Variants in CLDN10 observed in about 807,000 individuals in gnomAD.
CLDN10 encodes the protein claudin 10.
CLDN10 carries 15 observed loss-of-function variants against 22.9 expected under a neutral mutation model. The observed-to-expected ratio is 0.65, with a 90% CI of 0.44 to 1.01. The LOEUF (loss-of-function observed/expected upper bound fraction) is 1.01. Among genes scored for constraint, CLDN10 ranks in the 50% least tolerant of loss-of-function variants. CLDN10 has a pLI of 0.00. For synonymous variants in CLDN10, 114 were observed against 111.4 expected, an observed-to-expected ratio of 1.02 and a Z score of -0.15; for missense variants, 247 against 287.8, an observed-to-expected ratio of 0.86 and a Z score of 1.03.
chr13:95,447,459 C>G (rs778575493), intron 1 of CLDN10, among the ~76,000 whole-genome samples: 4 of 152,174 alleles, frequency 2.6e-5, no homozygotes, highest in Non-Finnish European at 5.9e-5. Context: ...CACTTTTTTC[C>G]TCGCGGCTGA....
At chr13:95,488,531 C>G (rs1192503490) in intron 1 of CLDN10, among the ~76,000 whole-genome samples, 2 of 152,210 alleles carry the variant, frequency 1.3e-5, no homozygotes, top group East Asian at 1.9e-4. Flanking sequence ...ACTCTTCCCC[C>G]CAAGTCCCCA....
intron 1 of CLDN10, among the ~76,000 whole-genome samples, chr13:95,466,816 C>A (rs1042242244): frequency 6.6e-6 from 1 of 151,184 alleles, no homozygotes; most frequent in African/African-American, 2.4e-5. Context: ...ATATTCTGAT[C>A]TTGTATTCTT....
intron 1 of CLDN10, among the ~76,000 whole-genome samples, chr13:95,496,039 A>T (rs1452259142): frequency 6.6e-6 from 1 of 152,200 alleles, no homozygotes; most frequent in Non-Finnish European, 1.5e-5. Flanking sequence ...TATCTTCCCC[A>T]GATGTTCCGG....
chr13:95,531,121 T>C (rs751858774), intron 1 of CLDN10, among the ~76,000 whole-genome samples: 9 of 151,876 alleles, frequency 5.9e-5, no homozygotes, highest in Non-Finnish European at 1.2e-4. Context: ...GGTTTCACCA[T>C]GTTAGCCAGG....
chr13:95,450,047 A>T (rs1018267930), intron 1 of CLDN10, among the ~76,000 whole-genome samples: 15 of 151,658 alleles, frequency 9.9e-5, no homozygotes. Flanking sequence ...CGGCCTTAAA[A>T]TTTTTTTGTA....
intron 1 of CLDN10, among the ~76,000 whole-genome samples, chr13:95,539,709 A>T (rs564681953): frequency 6.6e-6 from 1 of 152,344 alleles, no homozygotes; most frequent in African/African-American, 2.4e-5. Flanking sequence ...ACACTTACAT[A>T]TTCCTTTTTT....
intron 1 of CLDN10, among the ~76,000 whole-genome samples, chr13:95,469,136 T>C (rs1212654941): frequency 4.6e-5 from 7 of 151,364 alleles, no homozygotes; most frequent in Non-Finnish European, 8.8e-5. Context: ...TTTTTTTTTT[T>C]CTTCCTCTGG....
At chr13:95,442,417 G>A (rs1216013685) in intron 1 of CLDN10, among the ~76,000 whole-genome samples, 1 of 152,186 alleles carries the variant, frequency 6.6e-6, no homozygotes, top group Admixed American at 6.5e-5. Context: ...TTTTCATGAT[G>A]TAAAGGATAT....
intron 3 of CLDN10, among the ~76,000 whole-genome samples, chr13:95,569,422 A>G (rs1333375518): frequency 2.0e-5 from 3 of 152,062 alleles, no homozygotes; most frequent in Admixed American, 6.5e-5. Context: ...TGACTCTATG[A>G]AAAATACAAA....
intron 1 of CLDN10, among the ~76,000 whole-genome samples, chr13:95,448,934 T>C (rs1422926883): frequency 6.6e-6 from 1 of 151,868 alleles, no homozygotes; most frequent in Non-Finnish European, 1.5e-5. Flanking sequence ...AGATGGGGTT[T>C]CACCATGCTG....
intron 1 of CLDN10, among the ~76,000 whole-genome samples, chr13:95,443,447 C>T (rs958660973): frequency 2.0e-5 from 3 of 152,124 alleles, no homozygotes; most frequent in Non-Finnish European, 4.4e-5. Context: ...ATGGAAATAA[C>T]TGTCAGGAAA....
chr13:95,506,514 G>C (rs931838947), intron 1 of CLDN10, among the ~76,000 whole-genome samples: 7 of 152,110 alleles, frequency 4.6e-5, no homozygotes, highest in African/African-American at 1.7e-4. Flanking sequence ...ACTCCCCTCT[G>C]CCTCCCTCTG....
At chr13:95,458,152 C>T (rs2042500141) in intron 1 of CLDN10, among the ~76,000 whole-genome samples, 1 of 152,170 alleles carries the variant, frequency 6.6e-6, no homozygotes, top group Non-Finnish European at 1.5e-5. Flanking sequence ...CACAGCAAAA[C>T]AAGCTCAATT....
intron 1 of CLDN10, among the ~76,000 whole-genome samples, chr13:95,449,551 A>G (rs575030139): frequency 6.7e-6 from 1 of 150,316 alleles, no homozygotes; most frequent in Non-Finnish European, 1.5e-5. Flanking sequence ...GTGCCCTGCC[A>G]CTCAGTTTTC....
At chr13:95,447,537 C>T (rs2042392535) in intron 1 of CLDN10, among the ~76,000 whole-genome samples, 1 of 152,180 alleles carries the variant, frequency 6.6e-6, no homozygotes, top group African/African-American at 2.4e-5. Flanking sequence ...TGCCTGGTGG[C>T]TCAGTTCTGA....
At chr13:95,510,059 A>G (rs7995308) in intron 1 of CLDN10, among the ~76,000 whole-genome samples, 59,823 of 152,100 alleles carry the variant, frequency 0.39, 12,044 homozygotes, top group South Asian at 0.48. Context: ...CACTTCCCCA[A>G]ATTGCAACGG....
At chr13:95,524,692 G>A (rs531586537) in intron 1 of CLDN10, among the ~76,000 whole-genome samples, 2 of 152,216 alleles carry the variant, frequency 1.3e-5, no homozygotes, top group African/African-American at 4.8e-5. Flanking sequence ...TAATTGCTGA[G>A]TCATATAGTA....
At chr13:95,535,507 C>A (rs139163888) in intron 1 of CLDN10, among the ~76,000 whole-genome samples, 2 of 149,294 alleles carry the variant, frequency 1.3e-5, no homozygotes, top group African/African-American at 2.5e-5. Flanking sequence ...GCTTGGCAGA[C>A]TGAGTGGGTA....
At chr13:95,494,468 C>G (rs147550119) in intron 1 of CLDN10, among the ~76,000 whole-genome samples, 158 of 152,270 alleles carry the variant, frequency 1.0e-3, no homozygotes, top group Middle Eastern at 0.01. Flanking sequence ...TGATATCATT[C>G]AAACTTTCTA....
Sources: gnomAD v4.1 joint callset for allele counts (sites outside exome capture counted in the v4.1 genomes callset) on GRCh38, gnomAD v4.1.1 for gene constraint, MANE v1.5 for transcripts, NCBI Gene and HGNC (gene_info 2026-07-23, HGNC 2026-07-21) for gene names.